Variants in LY86 observed in about 807,000 individuals in gnomAD.
LY86 encodes the protein MD-1, RP105-associated.
In LY86, 20 loss-of-function variants were observed where a neutral mutation model predicts 17.3. The ratio of observed to expected loss-of-function variants is 1.15; its 90% CI spans 0.81 to 1.68. The LOEUF (loss-of-function observed/expected upper bound fraction) is 1.68. Ranked by LOEUF, LY86 falls within the 40% of genes most tolerant of loss-of-function variation. The probability of loss-of-function intolerance (pLI) is 0.00; values close to 1 mark genes in which losing one functional copy is unlikely to be tolerated. For synonymous variants in LY86, 74 were observed against 70.6 expected, an observed-to-expected ratio of 1.05 and a Z score of -0.24; for missense variants, 200 against 191.9, an observed-to-expected ratio of 1.04 and a Z score of -0.25.
intron 1 of LY86, among the ~76,000 whole-genome samples, chr6:6,618,927 G>A (rs112708794): frequency 1.3e-4 from 20 of 152,296 alleles, no homozygotes; most frequent in African/African-American, 3.9e-4. Flanking sequence ...TTCCACAAAG[G>A]TGGGGAGGGA....
intron 1 of LY86, among the ~76,000 whole-genome samples, chr6:6,611,069 C>G (rs923020870): frequency 6.6e-6 from 1 of 152,114 alleles, no homozygotes; most frequent in Non-Finnish European, 1.5e-5. Context: ...AAGATCTGGC[C>G]GTGTCTGAGC....
chr6:6,642,987 T>G (rs1434499430), intron 3 of LY86, among the ~76,000 whole-genome samples: 1 of 152,176 alleles, frequency 6.6e-6, no homozygotes, highest in Admixed American at 6.5e-5. Flanking sequence ...ACTCTGAGCT[T>G]CCTCCCACTT....
intron 3 of LY86, among the ~76,000 whole-genome samples, chr6:6,629,541 A>C (rs989676980): frequency 6.6e-6 from 1 of 152,212 alleles, no homozygotes; most frequent in African/African-American, 2.4e-5. Context: ...GAGAAAACTT[A>C]ATGTCCACTG....
intron 3 of LY86, among the ~76,000 whole-genome samples, chr6:6,635,829 G>T (rs1327999771): frequency 6.6e-6 from 1 of 152,152 alleles, no homozygotes; most frequent in African/African-American, 2.4e-5. Context: ...AGCTTTCTGT[G>T]ACCTGGAAAA....
intron 1 of LY86, among the ~76,000 whole-genome samples, chr6:6,605,332 G>A (rs1389244393): frequency 6.6e-6 from 1 of 152,204 alleles, no homozygotes; most frequent in East Asian, 1.9e-4. Context: ...GGGGGTCTCT[G>A]GGAAAAGGTG....
At chr6:6,592,884 T>C (rs148735891) in intron 1 of LY86, among the ~76,000 whole-genome samples, 1 of 152,262 alleles carries the variant, frequency 6.6e-6, no homozygotes, top group African/African-American at 2.4e-5. Flanking sequence ...CCTGCCTGAG[T>C]TGGCTAAGGG....
chr6:6,654,632 G>A lies in LY86; in HGVS notation c.*5G>A, dbSNP rs781249562. The A allele has an allele frequency of 8.1e-6, 13 of 1,613,418 alleles. No individual in the cohort carries two copies. In the East Asian group the frequency reaches 1.3e-4, roughly 17 times the overall value. On this transcript the variant is annotated 3_prime_UTR_variant, in exon 5 of 5. Transcript: ENST00000230568. ...GCTACTATCATGTGCTCCTGACTGTGGCCTGTAGCAAAAATCACAGCCAGC... is the reference window on the plus strand; with the variant it reads ...GCTACTATCATGTGCTCCTGACTGTAGCCTGTAGCAAAAATCACAGCCAGC...
At chr6:6,600,849 C>CT (rs1433128077) in intron 1 of LY86, among the ~76,000 whole-genome samples, 1 of 152,174 alleles carries the variant, frequency 6.6e-6, no homozygotes, top group Non-Finnish European at 1.5e-5. Context: ...TGAGGAGCCT[C>CT]AAGTCTCCAG....
intron 1 of LY86, among the ~76,000 whole-genome samples, chr6:6,606,588 G>A (rs1403620782): frequency 6.6e-6 from 1 of 152,214 alleles, no homozygotes; most frequent in African/African-American, 2.4e-5. Context: ...GCTCAGGCAT[G>A]GCGGGCTGCA....
chr6:6,589,700 C>A (rs772661633), intron 1 of LY86, among the ~76,000 whole-genome samples: 1 of 152,172 alleles, frequency 6.6e-6, no homozygotes, highest in Admixed American at 6.5e-5. Flanking sequence ...GCATCTTCTC[C>A]CTGTCTCCTC....
intron 1 of LY86, among the ~76,000 whole-genome samples, chr6:6,599,339 C>G (rs1441550984): frequency 6.6e-6 from 1 of 152,226 alleles, no homozygotes; most frequent in African/African-American, 2.4e-5. Context: ...TAATGCCATT[C>G]ACTCCAACCA....
At chr6:6,613,239 C>T (rs982403202) in intron 1 of LY86, among the ~76,000 whole-genome samples, 2 of 152,282 alleles carry the variant, frequency 1.3e-5, no homozygotes, top group African/African-American at 2.4e-5. Flanking sequence ...ACTAGGGCCG[C>T]AGGTGGAGCT....
At chr6:6,647,821 C>T (rs1384584960) in intron 3 of LY86, among the ~76,000 whole-genome samples, 1 of 152,126 alleles carries the variant, frequency 6.6e-6, no homozygotes, top group Non-Finnish European at 1.5e-5. Flanking sequence ...CTCATCCTGT[C>T]CCATGGCTTA....
rs916038805 is a variant in LY86 at position 6,626,299 on chromosome 6, A to C, written c.230A>C (p.Asp77Ala). Reference protein sequence around the residue: ...NIRFGIILREDIKELFLDLAL... With the variant: ...NIRFGIILREAIKELFLDLAL... ...GTTCTTCTCTTTCCTCCAGGAGAGG[A>C]CATCAAAGAGCTTTTTCTTGACCTA... is the stretch of plus-strand genomic sequence containing the variant. Residue 77 changes from aspartate (D) to alanine (A), a missense_variant, in exon 3 of 5, where the codon GAC (aspartate) becomes GCC (alanine). Coordinates refer to ENST00000230568, the MANE Select transcript of LY86 (RefSeq NM_004271.4). 8 of 1,613,920 alleles carry C rather than the reference A, an allele frequency of 5.0e-6. No homozygotes were observed. In the Middle Eastern group the frequency reaches 8.2e-4, roughly 166 times the overall value.
intron 3 of LY86, among the ~76,000 whole-genome samples, chr6:6,637,012 T>G (rs1415637677): frequency 6.8e-6 from 1 of 148,080 alleles, no homozygotes; most frequent in Non-Finnish European, 1.5e-5. Context: ...TGGTTTTTTT[T>G]TTTTTTTTTT....
intron 3 of LY86, among the ~76,000 whole-genome samples, chr6:6,627,947 T>C (rs1431552382): frequency 1.3e-5 from 2 of 151,940 alleles, no homozygotes; most frequent in African/African-American, 4.8e-5. Flanking sequence ...AACAAATGAG[T>C]GTGTCTTGCT....
intron 1 of LY86, among the ~76,000 whole-genome samples, chr6:6,608,717 A>G (rs1370798995): frequency 6.6e-6 from 1 of 152,282 alleles, no homozygotes; most frequent in African/African-American, 2.4e-5. Context: ...AAACGGTTAC[A>G]GCAATGGTGT....
chr6:6,629,427 AG>A (rs1761865287), intron 3 of LY86, among the ~76,000 whole-genome samples: 1 of 152,240 alleles, frequency 6.6e-6, no homozygotes, highest in Admixed American at 6.5e-5. Flanking sequence ...AAAGAACACC[AG>A]GGAGAACTAA....
At chr6:6,619,771 C>A (rs544385407) in intron 1 of LY86, among the ~76,000 whole-genome samples, 6 of 152,132 alleles carry the variant, frequency 3.9e-5, no homozygotes, top group African/African-American at 1.4e-4. Context: ...AGTCAGTGTT[C>A]TTAATCTCAG....
Sources: gnomAD v4.1 joint callset for allele counts (sites outside exome capture counted in the v4.1 genomes callset) on GRCh38, gnomAD v4.1.1 for gene constraint, MANE v1.5 for transcripts, NCBI Gene and HGNC (gene_info 2026-07-23, HGNC 2026-07-21) for gene names.